CPNE5: variants seen among roughly 807,000 people sequenced by gnomAD.
CPNE5 encodes the protein copine 5.
In CPNE5, 42 loss-of-function variants were observed where a neutral mutation model predicts 81.1. That is an observed-to-expected ratio of 0.52 (90% CI 0.40 to 0.67). The LOEUF is 0.67. CPNE5 is among the 30% of genes least tolerant of loss of function. CPNE5 has a pLI of 0.00. For synonymous variants in CPNE5, 313 were observed against 321.5 expected (o/e 0.97, Z 0.28); for missense variants, 612 against 815.5 (o/e 0.75, Z 3.04).
intron 8 of CPNE5, 57 bp from the exon 9 acceptor site, chr6:36,779,014 C>T (rs1767788287): frequency 1.6e-6 from 2 of 1,217,590 alleles, no homozygotes; most frequent in Admixed American, 1.7e-5. Flanking sequence ...AGCACAGCTC[C>T]CAGACCCCGG....
At chr6:36,786,012 CAAAA>C (rs36060316) in intron 8 of CPNE5, among the ~76,000 whole-genome samples, 1 of 83,850 alleles carries the variant, frequency 1.2e-5, no homozygotes. Context: ...GACTCCGTCT[CAAAA>C]AAAAAAAAAA....
chr6:36,820,697 C>T (rs1771970958), intron 3 of CPNE5, among the ~76,000 whole-genome samples: 1 of 151,664 alleles, frequency 6.6e-6, no homozygotes, highest in African/African-American at 2.4e-5. Flanking sequence ...CCCAGCAGTT[C>T]GGGAGGCAAA....
chr6:36,809,753 C>T (rs940895303), intron 3 of CPNE5, among the ~76,000 whole-genome samples: 16 of 152,004 alleles, frequency 1.1e-4, no homozygotes, highest in African/African-American at 3.4e-4. Flanking sequence ...TCACACAGCT[C>T]ATTAGGAAAT....
chr6:36,796,318 C>T (rs564347692), intron 6 of CPNE5, among the ~76,000 whole-genome samples: 5 of 152,222 alleles, frequency 3.3e-5, no homozygotes, highest in Non-Finnish European at 7.3e-5. Context: ...TAGGAAGTCT[C>T]CCTCAATACT....
At chr6:36,749,675 C>A in intron 14 of CPNE5, among the ~76,000 whole-genome samples, 1 of 141,420 alleles carries the variant, frequency 7.1e-6, no homozygotes, top group East Asian at 2.1e-4. Context: ...AAAAAAAAAC[C>A]CACTAAAATA....
intron 1 of CPNE5, among the ~76,000 whole-genome samples, chr6:36,836,709 G>T (rs1452220685): frequency 6.6e-6 from 1 of 152,134 alleles, no homozygotes; most frequent in Non-Finnish European, 1.5e-5. Flanking sequence ...GCCACTGTCT[G>T]CATTTCTCCC....
chr6:36,765,304 C>T (rs779574441), intron 11 of CPNE5, 31 bp downstream of exon 11: 1 of 1,612,674 alleles, frequency 6.2e-7, no homozygotes, highest in South Asian at 1.1e-5. Context: ...TCCCCACTCA[C>T]CTTCTCGCCC....
intron 1 of CPNE5, among the ~76,000 whole-genome samples, chr6:36,824,815 A>G (rs1014343667): frequency 1.4e-4 from 21 of 152,150 alleles, no homozygotes; most frequent in Admixed American, 6.5e-5. Flanking sequence ...GCATGGTGGT[A>G]TGCGCCTGTA....
intron 1 of CPNE5, among the ~76,000 whole-genome samples, chr6:36,837,752 T>C (rs1263132682): frequency 6.6e-6 from 1 of 151,824 alleles, no homozygotes; most frequent in Non-Finnish European, 1.5e-5. Context: ...GGATGGGGAA[T>C]GGGCTGTTCA....
rs572544465 is a variant in CPNE5 at position 36,833,357 on chromosome 6, C to T, written c.95+5926G>A. ...AAGATGGCCTCCAAGATTCCAGTCT[C>T]GTGGCACACACGTCTGTATAATCCC... On this transcript the variant is annotated intron_variant, in intron 1 of 20. Transcript: ENST00000244751. Among the ~76,000 whole-genome samples, 56 of 152,328 alleles carry T rather than the reference C, an allele frequency of 3.7e-4. No individual in the cohort carries two copies. In the South Asian group the frequency reaches 5.0e-3, roughly 14 times the overall value.
intron 1 of CPNE5, among the ~76,000 whole-genome samples, chr6:36,833,305 C>T (rs545550259): frequency 1.7e-4 from 26 of 152,292 alleles, no homozygotes; most frequent in African/African-American, 5.5e-4. Flanking sequence ...GTTTAAAAGA[C>T]GTAGCAATTG....
chr6:36,753,722 G>A (rs1765091447), intron 13 of CPNE5, among the ~76,000 whole-genome samples: 1 of 152,170 alleles, frequency 6.6e-6, no homozygotes, highest in African/African-American at 2.4e-5. Flanking sequence ...CCCAAGCAGA[G>A]GCCTTTTAAC....
At chr6:36,747,396 C>T (rs1042120781) in intron 15 of CPNE5, among the ~76,000 whole-genome samples, 11 of 152,234 alleles carry the variant, frequency 7.2e-5, no homozygotes, top group African/African-American at 2.7e-4. Context: ...AGTTCCTTAA[C>T]CTTAGCCTTA....
rs74653749 is a variant in CPNE5 at position 36,747,975 on chromosome 6, C to T, written c.1018+246G>A. ...CCAGAGTACACACAATCCCATTCCC[C>T]CAGGGAGACTGGGTGTTCCTCAAGG... is the stretch of plus-strand genomic sequence containing the variant. On this transcript the variant is annotated intron_variant, in intron 15 of 20. Transcript: ENST00000244751. 5.3e-3 allele frequency among the ~76,000 whole-genome samples: 801 copies of T among 152,316 alleles called. 2 individuals carry two copies. The highest frequency in any genetic ancestry group is 0.018 in the African/African-American group (768 of 41,566).
At position 36,827,908 on chromosome 6, in the gene CPNE5, G is replaced by A. The variant is rs79038951; in HGVS notation, c.96-4810C>T. On this transcript the variant is annotated intron_variant, in intron 1 of 20. Coordinates refer to ENST00000244751, the MANE Select transcript of CPNE5 (RefSeq NM_020939.2). ...TTCTAAAAGAGCATACAACCCTTCCGCTGTCTGCACAGCAGCCTGGAGCTT... is the reference window on the plus strand; with the variant it reads ...TTCTAAAAGAGCATACAACCCTTCCACTGTCTGCACAGCAGCCTGGAGCTT... Among the ~76,000 whole-genome samples, 108 of 151,514 alleles carry A rather than the reference G, an allele frequency of 7.1e-4. 2 individuals carry two copies. In the East Asian group the frequency reaches 0.019, roughly 26 times the overall value.
At chr6:36,788,997 C>A (rs1422564132) in intron 8 of CPNE5, among the ~76,000 whole-genome samples, 1 of 152,250 alleles carries the variant, frequency 6.6e-6, no homozygotes, top group Non-Finnish European at 1.5e-5. Flanking sequence ...GAAAAATCAT[C>A]TCTCAGACCC....
intron 1 of CPNE5, among the ~76,000 whole-genome samples, chr6:36,838,210 G>T (rs1290818824): frequency 2.0e-5 from 3 of 152,202 alleles, no homozygotes; most frequent in Admixed American, 6.5e-5. Context: ...GGGCAACAAG[G>T]TTACCTCTCA....
chr6:36,746,626 A>C lies in CPNE5; in HGVS notation c.1019-49T>G. 6.4e-7 allele frequency: 1 copy of C among 1,551,026 alleles called. No individual in the cohort carries two copies. On this transcript the variant is annotated intron_variant, in intron 15 of 20. Transcript: ENST00000244751. The surrounding 1 kb of genome is among the most constrained non-coding windows in gnomAD (Gnocchi z 4.5). ...TTTGACCATCTGGACCCTCCAAGTC[A>C]CCCCGGGTTCAGAATGAAGAAGGGG...
chr6:36,794,619 C>T lies in CPNE5; in HGVS notation c.435G>A (p.Thr145=), dbSNP rs147744664. 1.4e-4 allele frequency: 226 copies of T among 1,613,876 alleles called. No individual in the cohort carries two copies. Among genetic ancestry groups the T allele is most frequent in the Middle Eastern group, 9.9e-4 (6 of 6,082 alleles). Reference sequence around the variant, plus strand: ...TGGACACAGCTGGCATGGGTTTGCCCGTCCTGGAATTCAGGCTGAATGCGC... The same window carrying T: ...TGGACACAGCTGGCATGGGTTTGCCTGTCCTGGAATTCAGGCTGAATGCGC... ...TIGAFSLNSR[T]GKPMPAVSNG... Residue 145 remains threonine, a synonymous_variant, in exon 7 of 21, where the codon ACG becomes ACA. Transcript: ENST00000244751.
Sources: allele counts gnomAD v4.1 joint callset (sites outside exome capture counted in the v4.1 genomes callset), GRCh38; gene constraint gnomAD v4.1.1; non-coding constraint Gnocchi (gnomAD v3.1); transcripts MANE v1.5; gene names NCBI Gene and HGNC (gene_info 2026-07-23, HGNC 2026-07-21).